ZNF469: variants seen among roughly 807,000 people sequenced by gnomAD.
The protein encoded by ZNF469 is zinc finger protein 469.
A neutral mutation model predicts 1.0 loss-of-function variants in ZNF469; 1 was observed. The observed-to-expected ratio is 1.00, with a 90% confidence interval of 0.35 to 4.73. The LOEUF is 4.73. ZNF469 is among the 30% of genes most tolerant of loss of function. ZNF469 has a pLI of 0.16. For synonymous variants in ZNF469, 2,703 were observed against 2,363.4 expected, an observed-to-expected ratio of 1.14 and a Z score of -4.17; for missense variants, 6,100 against 5,356.3, an observed-to-expected ratio of 1.14 and a Z score of -4.33.
chr16:88,371,902 A>G, the ZNF469 span, among the ~76,000 whole-genome samples: 7 of 150,862 alleles, frequency 4.6e-5, no homozygotes, highest in African/African-American at 1.7e-4. Flanking sequence ...CATCACTACC[A>G]TTACCATCAC....
At chr16:88,160,004 G>T in the ZNF469 span, among the ~76,000 whole-genome samples, 1 of 152,172 alleles carries the variant, frequency 6.6e-6, no homozygotes, top group Non-Finnish European at 1.5e-5. Context: ...GGATCACCTC[G>T]GGTAGCTTGT....
chr16:88,104,209 T>C, the ZNF469 span, among the ~76,000 whole-genome samples: 7 of 148,398 alleles, frequency 4.7e-5, no homozygotes, highest in East Asian at 1.4e-3. Flanking sequence ...GCACCAGGAC[T>C]GTCCGATGGG....
the ZNF469 span, among the ~76,000 whole-genome samples, chr16:88,115,554 G>A: frequency 1.3e-5 from 2 of 151,950 alleles, no homozygotes; most frequent in South Asian, 4.2e-4. Flanking sequence ...CACCGTCCAG[G>A]ACGGTGGTGT....
rs1466434505 is a variant in ZNF469 at position 88,424,868 on chromosome 16, C to G, written c.-130C>G. On this transcript the variant is annotated 5_prime_UTR_variant, in exon 2 of 3. Transcript: ENST00000565624. The surrounding 1 kb of genome is among the most constrained non-coding windows in gnomAD (Gnocchi z 4.3). ...ACCCAGCTGAGGGGCCCCCGACTCC[C>G]CAGGTATGTACAGGCAGCAGCCTGC... 1.3e-5 allele frequency among the ~76,000 whole-genome samples: 2 copies of G among 152,164 alleles called. No homozygotes were observed. The highest frequency in any genetic ancestry group is 4.8e-5 in the African/African-American group (2 of 41,450).
the ZNF469 span, among the ~76,000 whole-genome samples, chr16:88,244,616 G>T: frequency 5.3e-5 from 8 of 151,544 alleles, no homozygotes; most frequent in Non-Finnish European, 1.0e-4. Context: ...TAGGCAGATG[G>T]ATGTATAAGT....
chr16:88,343,801 C>T, the ZNF469 span, among the ~76,000 whole-genome samples: 1 of 152,172 alleles, frequency 6.6e-6, no homozygotes, highest in African/African-American at 2.4e-5. Context: ...TTAAAGGCCC[C>T]ACCTCTCAAG....
Position 88,400,639 on chromosome 16 carries a change from C to T in ZNF469, c.-192+17385C>T, listed in dbSNP as rs74032821. On this transcript the variant is annotated intron_variant, in intron 1 of 2. Coordinates refer to ENST00000565624, the MANE Select transcript of ZNF469 (RefSeq NM_001367624.2). ...GCAGCAGCAACAGCTGGACCCAGAG[C>T]CAGCTCTGTCCCCACAGTCATGGGT... Among the ~76,000 whole-genome samples, 85 of 152,180 alleles carry T rather than the reference C, an allele frequency of 5.6e-4. 1 individual carries two copies. Among genetic ancestry groups the T allele is most frequent in the African/African-American group, 1.9e-3 (79 of 41,492 alleles).
At chr16:88,203,342 C>T in the ZNF469 span, among the ~76,000 whole-genome samples, 7 of 152,150 alleles carry the variant, frequency 4.6e-5, no homozygotes, top group Non-Finnish European at 7.4e-5. Context: ...CAGGGCCCTC[C>T]CCCACCACCG....
the ZNF469 span, chr16:88,294,724 G>A: frequency 6.6e-6 from 1 of 152,292 alleles, no homozygotes; most frequent in Non-Finnish European, 1.5e-5. Flanking sequence ...TGTAGATCGT[G>A]GCTGAGCAAA....
At chr16:88,361,953 C>T in the ZNF469 span, among the ~76,000 whole-genome samples, 1 of 152,168 alleles carries the variant, frequency 6.6e-6, no homozygotes, top group Non-Finnish European at 1.5e-5. Flanking sequence ...TGTTGAAAAA[C>T]AAATCGTCAT....
At position 88,430,496 on chromosome 16, in the gene ZNF469, C is replaced by T; in HGVS notation, c.3026C>T (p.Ala1009Val). The T allele has an allele frequency of 1.4e-6, 2 of 1,418,966 alleles. No homozygotes were observed. The highest frequency in any genetic ancestry group is 1.8e-6 in the Non-Finnish European group (2 of 1,097,292). The allele number at this position is 1,418,966 out of a possible 1,614,324, so 87.9% of individuals were successfully genotyped here. Residue 1009 changes from alanine to valine, a missense_variant, in exon 3 of 3, where the codon GCG becomes GTG. Transcript: ENST00000565624. ...GCCCCCGGGAGCCGCGCAGACCCCG[C>T]GCCCCGGGTCCCGAGAGCCGCCGCC... ...TQAPGSRADP[A>V]PRVPRAAALP...
the ZNF469 span, among the ~76,000 whole-genome samples, chr16:88,252,879 A>G: frequency 6.6e-6 from 1 of 152,188 alleles, no homozygotes; most frequent in Admixed American, 6.5e-5. Flanking sequence ...AACATCTCCC[A>G]GAGGCAGCCA....
chr16:88,199,473 C>G, the ZNF469 span, among the ~76,000 whole-genome samples: 2 of 152,230 alleles, frequency 1.3e-5, no homozygotes, highest in African/African-American at 2.4e-5. Context: ...CACCTGCCCC[C>G]ATGGCCTGTG....
chr16:88,354,304 G>A, the ZNF469 span, among the ~76,000 whole-genome samples: 1 of 152,178 alleles, frequency 6.6e-6, no homozygotes, highest in Non-Finnish European at 1.5e-5. Flanking sequence ...CCGGCTGCCT[G>A]CCAGCCCAGT....
intron 1 of ZNF469, among the ~76,000 whole-genome samples, chr16:88,391,261 G>A (rs1028624813): frequency 1.3e-5 from 2 of 152,230 alleles, no homozygotes; most frequent in East Asian, 1.9e-4. Flanking sequence ...CCAGCACCCC[G>A]TGGAGAAAGG....
At chr16:88,407,410 C>T (rs1199187539) in intron 1 of ZNF469, among the ~76,000 whole-genome samples, 2 of 152,262 alleles carry the variant, frequency 1.3e-5, no homozygotes, top group Non-Finnish European at 2.9e-5. Context: ...GGGGCGGACC[C>T]TCATCAGCGT....
At chr16:88,186,151 C>T in the ZNF469 span, among the ~76,000 whole-genome samples, 1 of 152,222 alleles carries the variant, frequency 6.6e-6, no homozygotes, top group African/African-American at 2.4e-5. Context: ...GTGTATTCGA[C>T]TGCGGGGGCG....
At chr16:88,317,216 C>T in the ZNF469 span, among the ~76,000 whole-genome samples, 1 of 152,204 alleles carries the variant, frequency 6.6e-6, no homozygotes, top group African/African-American at 2.4e-5. Context: ...GGAGCCGAAG[C>T]AGTTCCCAAC....
the ZNF469 span, among the ~76,000 whole-genome samples, chr16:88,133,626 AG>A: frequency 7.1e-6 from 1 of 141,434 alleles, no homozygotes; most frequent in African/African-American, 3.1e-5. Flanking sequence ...ATAAATCAAT[AG>A]ATTAATAAAA....
Sources: allele counts gnomAD v4.1 joint callset (sites outside exome capture counted in the v4.1 genomes callset), GRCh38; gene constraint gnomAD v4.1.1; non-coding constraint Gnocchi (gnomAD v3.1); transcripts MANE v1.5; gene names NCBI Gene and HGNC (gene_info 2026-07-23, HGNC 2026-07-21).